The following RPS6KC1 variants were observed in gnomAD, a reference collection of about 807,000 sequenced individuals.
The protein encoded by RPS6KC1 is ribosomal protein S6 kinase C1.
A neutral mutation model predicts 103.8 loss-of-function variants in RPS6KC1; 54 were observed. The ratio of observed to expected loss-of-function variants is 0.52; its 90% confidence interval spans 0.42 to 0.65. RPS6KC1 has a LOEUF of 0.65. Ranked by LOEUF, RPS6KC1 falls within the 30% of genes least tolerant of loss-of-function variation. The pLI, the probability that RPS6KC1 is intolerant of heterozygous loss-of-function variation, is 0.00. For synonymous variants in RPS6KC1, 439 were observed against 438.7 expected, an observed-to-expected ratio of 1.00 and a Z score of -0.01; for missense variants, 1,151 against 1,253.8, an observed-to-expected ratio of 0.92 and a Z score of 1.24.
the RPS6KC1 span, among the ~76,000 whole-genome samples, chr1:213,453,956 G>A: frequency 1.3e-5 from 2 of 152,104 alleles, no homozygotes; most frequent in Middle Eastern, 3.2e-3. Flanking sequence ...AAACCATGTA[G>A]CCTAAAAATA....
At chr1:213,746,361 C>T in the RPS6KC1 span, among the ~76,000 whole-genome samples, 5 of 152,180 alleles carry the variant, frequency 3.3e-5, no homozygotes, top group African/African-American at 1.2e-4. Context: ...GCAGAAGGAA[C>T]TGCTAAGCAC....
At chr1:213,458,730 G>T in the RPS6KC1 span, among the ~76,000 whole-genome samples, 2 of 152,128 alleles carry the variant, frequency 1.3e-5, no homozygotes, top group Admixed American at 1.3e-4. Flanking sequence ...CATTCAGTAT[G>T]ATATTGGCCG....
At position 213,274,162 on chromosome 1, in the gene RPS6KC1, G is replaced by A. The variant is rs2095098021; in HGVS notation, c.*1528G>A. Reference sequence around the variant, plus strand: ...AAAGGCTGCAACAACACCAGGTTGGGGAGCAGGTCACCAGGATCATAGTTC... The same window carrying A: ...AAAGGCTGCAACAACACCAGGTTGGAGAGCAGGTCACCAGGATCATAGTTC... On this transcript the variant is annotated 3_prime_UTR_variant, in exon 15 of 15. Coordinates refer to ENST00000366960, the MANE Select transcript of RPS6KC1 (RefSeq NM_012424.6). 6.6e-6 allele frequency: 1 copy of A among 152,158 alleles called. No individual in the cohort carries two copies. Among genetic ancestry groups the A allele is most frequent in the Non-Finnish European group, 1.5e-5 (1 of 68,044 alleles). 9.4% of individuals were successfully genotyped at this position (152,158 alleles called of 1,614,324 possible). A position where few individuals can be genotyped will look rare whatever the true frequency, so the allele number is the denominator to read the frequency against.
At chr1:213,802,128 A>G in the RPS6KC1 span, among the ~76,000 whole-genome samples, 4 of 152,250 alleles carry the variant, frequency 2.6e-5, no homozygotes, top group Non-Finnish European at 5.9e-5. Flanking sequence ...AGGACCTGCT[A>G]TGCCTCTTTA....
At chr1:213,645,438 T>A in the RPS6KC1 span, among the ~76,000 whole-genome samples, 1 of 152,116 alleles carries the variant, frequency 6.6e-6, no homozygotes, top group Non-Finnish European at 1.5e-5. Context: ...CTGTTAGGGC[T>A]GTTGCAAGAA....
the RPS6KC1 span, among the ~76,000 whole-genome samples, chr1:213,691,251 A>G: frequency 4.6e-5 from 7 of 152,230 alleles, no homozygotes; most frequent in Non-Finnish European, 1.0e-4. Context: ...CCCAATCAGG[A>G]CAGCACAAAG....
At chr1:213,225,049 G>GA (rs2148815404) in intron 8 of RPS6KC1, among the ~76,000 whole-genome samples, 1 of 151,798 alleles carries the variant, frequency 6.6e-6, no homozygotes, top group South Asian at 2.1e-4. Context: ...ATAACTTTAA[G>GA]AACTGAAGTT....
intron 8 of RPS6KC1, among the ~76,000 whole-genome samples, chr1:213,223,085 A>G (rs1391351840): frequency 2.6e-5 from 4 of 152,158 alleles, no homozygotes; most frequent in Non-Finnish European, 5.9e-5. Context: ...GTCATTATTT[A>G]TATGTGAATT....
At chr1:213,418,567 GT>G in the RPS6KC1 span, among the ~76,000 whole-genome samples, 1 of 152,178 alleles carries the variant, frequency 6.6e-6, no homozygotes, top group Non-Finnish European at 1.5e-5. Context: ...TTTGGGTGAA[GT>G]TCGCCATATG....
chr1:213,713,857 C>T, the RPS6KC1 span, among the ~76,000 whole-genome samples: 1 of 152,208 alleles, frequency 6.6e-6, no homozygotes, highest in African/African-American at 2.4e-5. Flanking sequence ...TTTCAGCATG[C>T]ACTCCTTACT....
the RPS6KC1 span, among the ~76,000 whole-genome samples, chr1:213,563,500 A>T: frequency 8.8e-6 from 1 of 113,852 alleles, no homozygotes; most frequent in East Asian, 2.6e-4. Flanking sequence ...TTTCCCACTT[A>T]TTGTGGTTAA....
At chr1:213,506,912 T>A in the RPS6KC1 span, among the ~76,000 whole-genome samples, 1 of 152,218 alleles carries the variant, frequency 6.6e-6, no homozygotes, top group Non-Finnish European at 1.5e-5. Flanking sequence ...GGCAGCATTT[T>A]CCCTGGAGTG....
chr1:213,406,283 G>A, the RPS6KC1 span, among the ~76,000 whole-genome samples: 2 of 152,166 alleles, frequency 1.3e-5, no homozygotes, highest in East Asian at 3.8e-4. Context: ...AAGCTGGACT[G>A]GAAGTTTGAT....
the RPS6KC1 span, among the ~76,000 whole-genome samples, chr1:213,662,772 A>G: frequency 6.6e-6 from 1 of 152,240 alleles, no homozygotes; most frequent in South Asian, 2.1e-4. Flanking sequence ...GCCCAAGCTC[A>G]CTGTGGTCTT....
At chr1:213,817,755 T>C in the RPS6KC1 span, 1 of 152,212 alleles carries the variant, frequency 6.6e-6, no homozygotes, top group African/African-American at 2.4e-5. Context: ...GCAGACTGCA[T>C]TTTATTACAC....
the RPS6KC1 span, among the ~76,000 whole-genome samples, chr1:213,607,638 G>T: frequency 6.6e-6 from 1 of 150,502 alleles, no homozygotes; most frequent in Non-Finnish European, 1.5e-5. Flanking sequence ...AAACATTTAA[G>T]ATGCTAGCCT....
chr1:213,821,936 T>G, the RPS6KC1 span: 5 of 152,134 alleles, frequency 3.3e-5, no homozygotes, highest in Admixed American at 3.3e-4. Context: ...TTGCCTTGGG[T>G]GGGGGGTTTT....
At chr1:213,284,814 G>A in the RPS6KC1 span, among the ~76,000 whole-genome samples, 832 of 152,190 alleles carry the variant, frequency 5.5e-3, 9 homozygotes, top group African/African-American at 0.016. Flanking sequence ...AAAGGAAAAA[G>A]TACTTTGAGC....
chr1:213,491,060 C>T, the RPS6KC1 span, among the ~76,000 whole-genome samples: 1 of 152,160 alleles, frequency 6.6e-6, no homozygotes, highest in Admixed American at 6.6e-5. Flanking sequence ...AGATGCTCCC[C>T]TTGCCCACCC....
Sources: allele counts gnomAD v4.1 joint callset (sites outside exome capture counted in the v4.1 genomes callset), GRCh38; gene constraint gnomAD v4.1.1; transcripts MANE v1.5; gene names NCBI Gene and HGNC (gene_info 2026-07-23, HGNC 2026-07-21).